The following NDUFAF2 variants were observed in gnomAD, a reference collection of about 807,000 sequenced individuals.
The protein encoded by NDUFAF2 is NADH:ubiquinone oxidoreductase complex assembly factor 2.
A neutral mutation model predicts 22.8 loss-of-function variants in NDUFAF2; 13 were observed. That is an observed-to-expected ratio of 0.57 (90% CI 0.37 to 0.91). NDUFAF2 has a LOEUF of 0.91. Ranked by LOEUF, NDUFAF2 falls within the 40% of genes least tolerant of loss-of-function variation. The pLI, the probability that NDUFAF2 is intolerant of heterozygous loss-of-function variation, is 0.01. For missense variants in NDUFAF2, 162 were observed against 195.2 expected (o/e 0.83, Z 1.01); for synonymous variants, 53 against 64.2 (o/e 0.83, Z 0.84).
chr5:61,059,682 T>C (rs1752140466), intron 1 of NDUFAF2, among the ~76,000 whole-genome samples: 1 of 152,090 alleles, frequency 6.6e-6, no homozygotes, highest in South Asian at 2.1e-4. Context: ...TATAGGACAC[T>C]TGTAAATATG....
At chr5:60,954,942 T>G (rs556081255) in intron 1 of NDUFAF2, among the ~76,000 whole-genome samples, 1 of 152,350 alleles carries the variant, frequency 6.6e-6, no homozygotes, top group South Asian at 2.1e-4. Flanking sequence ...TTTGGTTTTT[T>G]GCTATTAAGT....
chr5:61,087,962 T>C (rs1752523670), intron 2 of NDUFAF2, among the ~76,000 whole-genome samples: 1 of 152,140 alleles, frequency 6.6e-6, no homozygotes, highest in African/African-American at 2.4e-5. Flanking sequence ...AAGCACAGCC[T>C]AGCTAGGTTC....
intron 3 of NDUFAF2, among the ~76,000 whole-genome samples, chr5:61,151,302 G>C (rs765299946): frequency 3.3e-5 from 5 of 150,940 alleles, no homozygotes; most frequent in Non-Finnish European, 5.9e-5. Flanking sequence ...GACATTTTTT[G>C]AAAGTTTTGA....
intron 3 of NDUFAF2, among the ~76,000 whole-genome samples, chr5:61,146,942 T>G (rs1388209623): frequency 1.3e-5 from 2 of 152,224 alleles, no homozygotes; most frequent in African/African-American, 2.4e-5. Flanking sequence ...GTTTTTCACC[T>G]TGAAGTTATA....
chr5:60,987,985 A>G (rs1411516104), intron 1 of NDUFAF2, among the ~76,000 whole-genome samples: 6 of 152,204 alleles, frequency 3.9e-5, no homozygotes, highest in African/African-American at 1.4e-4. Context: ...AAGTCAGACT[A>G]TCCGTTTGCA....
rs1752533871 is a variant in NDUFAF2, at chr5:61,088,762, A to G, written c.218-10230A>G. On this transcript the variant is annotated intron_variant, in intron 2 of 3. Coordinates refer to ENST00000296597, the MANE Select transcript of NDUFAF2 (RefSeq NM_174889.5). ...ATATCCTTTGAAGGATTTTCACAGT[A>G]AAAACTGTGGATCTCTTATTTTTAT... is the stretch of plus-strand genomic sequence containing the variant. Among the ~76,000 whole-genome samples the G allele has an allele frequency of 2.0e-5, 3 of 152,274 alleles. No homozygotes were observed. In the South Asian group the frequency reaches 6.2e-4, roughly 32 times the overall value.
chr5:60,958,847 G>C (rs1016650762), intron 1 of NDUFAF2, among the ~76,000 whole-genome samples: 1 of 152,026 alleles, frequency 6.6e-6, no homozygotes, highest in African/African-American at 2.4e-5. Context: ...ATTAGAAATA[G>C]GAGTATCTTT....
intron 2 of NDUFAF2, among the ~76,000 whole-genome samples, chr5:61,075,860 C>T (rs1351235458): frequency 6.6e-6 from 1 of 152,144 alleles, no homozygotes; most frequent in African/African-American, 2.4e-5. Flanking sequence ...CTGCAAGTTG[C>T]ATATTCTCCC....
chr5:61,108,441 CTG>C (rs1191680556), intron 3 of NDUFAF2, among the ~76,000 whole-genome samples: 1 of 151,250 alleles, frequency 6.6e-6, no homozygotes, highest in Non-Finnish European at 1.5e-5. Flanking sequence ...TTGCATTTCT[CTG>C]ATGGCCAGTG....
At chr5:61,125,443 G>C (rs1753025671) in intron 3 of NDUFAF2, among the ~76,000 whole-genome samples, 1 of 151,918 alleles carries the variant, frequency 6.6e-6, no homozygotes, top group African/African-American at 2.4e-5. Context: ...GTGTAAGGGG[G>C]AGTGTTACTT....
chr5:61,118,292 A>G (rs1228428677), intron 3 of NDUFAF2, among the ~76,000 whole-genome samples: 1 of 152,314 alleles, frequency 6.6e-6, no homozygotes, highest in East Asian at 1.9e-4. Flanking sequence ...AAAGCAAAGA[A>G]AGCATCAATA....
intron 1 of NDUFAF2, among the ~76,000 whole-genome samples, chr5:60,987,033 A>C (rs1264002918): frequency 6.6e-6 from 1 of 151,656 alleles, no homozygotes; most frequent in African/African-American, 2.4e-5. Context: ...TAGACTGTTA[A>C]GTACACAAAG....
intron 1 of NDUFAF2, among the ~76,000 whole-genome samples, chr5:61,063,533 A>T (rs1752192505): frequency 1.3e-5 from 2 of 152,152 alleles, no homozygotes; most frequent in South Asian, 4.1e-4. Flanking sequence ...AAACCATCAG[A>T]AATAATTAAA....
At chr5:61,135,063 AAAAGAAATTAAAT>A (rs1221520675) in intron 3 of NDUFAF2, among the ~76,000 whole-genome samples, 2 of 152,036 alleles carry the variant, frequency 1.3e-5, no homozygotes, top group Non-Finnish European at 2.9e-5. Context: ...CTTATAGCAT[AAAAGAAATTAAAT>A]AAAAACCTAC....
intron 1 of NDUFAF2, among the ~76,000 whole-genome samples, chr5:61,070,336 T>C (rs562440560): frequency 5.9e-5 from 9 of 152,106 alleles, no homozygotes; most frequent in Non-Finnish European, 1.0e-4. Context: ...GTGGGAGGCA[T>C]AAATTCCATT....
chr5:61,021,557 A>G (rs963702693), intron 1 of NDUFAF2, among the ~76,000 whole-genome samples: 2 of 152,182 alleles, frequency 1.3e-5, no homozygotes, highest in African/African-American at 4.8e-5. Flanking sequence ...TCCAGGAATT[A>G]GTACATAGAC....
At position 61,073,165 on chromosome 5, in the gene NDUFAF2, T is replaced by C. The variant is rs1461599762; in HGVS notation, c.168T>C (p.Asn56=). ...IREKRIVEAA[N]KKEVDYEAGD... Reference sequence around the variant, plus strand: ...AGAAAAGAATTGTAGAAGCAGCAAATAAAAAAGAAGTAGACTATGAAGCAG... The same window carrying C: ...AGAAAAGAATTGTAGAAGCAGCAAACAAAAAAGAAGTAGACTATGAAGCAG... The change falls in exon 2 of 4, where the codon AAT becomes AAC. Residue 56 remains asparagine (N), a synonymous_variant. Transcript: ENST00000296597. 1 of 1,613,094 alleles carries C rather than the reference T, an allele frequency of 6.2e-7. No individual in the cohort carries two copies. The highest frequency in any genetic ancestry group is 8.5e-7 in the Non-Finnish European group (1 of 1,179,458).
At chr5:61,066,480 T>C (rs1752229419) in intron 1 of NDUFAF2, among the ~76,000 whole-genome samples, 1 of 152,066 alleles carries the variant, frequency 6.6e-6, no homozygotes, top group Admixed American at 6.6e-5. Context: ...TTTAAAATTT[T>C]ATTACAGAGC....
chr5:60,979,239 G>A (rs1011122563), intron 1 of NDUFAF2, among the ~76,000 whole-genome samples: 3 of 152,160 alleles, frequency 2.0e-5, no homozygotes, highest in Non-Finnish European at 4.4e-5. Flanking sequence ...CATTCCAGCT[G>A]TGGTGGCTAC....
Sources: gnomAD v4.1 joint callset for allele counts (sites outside exome capture counted in the v4.1 genomes callset) on GRCh38, gnomAD v4.1.1 for gene constraint, MANE v1.5 for transcripts, NCBI Gene and HGNC (gene_info 2026-07-23, HGNC 2026-07-21) for gene names.